ZFPM1: variants seen among roughly 807,000 people sequenced by gnomAD.
ZFPM1 encodes zinc finger protein ZFPM1.
ZFPM1 carries 28 observed loss-of-function variants against 46.3 expected under a neutral mutation model. The observed-to-expected ratio is 0.60, with a 90% CI of 0.45 to 0.83. ZFPM1 has a LOEUF of 0.83. Among genes scored for constraint, ZFPM1 ranks in the 40% least tolerant of loss-of-function variants. The probability of loss-of-function intolerance (pLI) is 0.00; values close to 1 mark genes in which losing one functional copy is unlikely to be tolerated. For missense variants in ZFPM1, 1,878 were observed against 1,432.4 expected, an observed-to-expected ratio of 1.31 and a Z score of -5.02; for synonymous variants, 957 against 675.9, an observed-to-expected ratio of 1.42 and a Z score of -6.45.
At chr16:88,507,684 G>A (rs1371224221) in intron 3 of ZFPM1, among the ~76,000 whole-genome samples, 3 of 152,204 alleles carry the variant, frequency 2.0e-5, no homozygotes, top group Admixed American at 2.0e-4. Flanking sequence ...TGTGGGCCTC[G>A]GGGAGAAGTG....
Position 88,511,803 on chromosome 16 carries a change from G to C in ZFPM1, c.269-2584G>C, listed in dbSNP as rs139769735. ...GTGAGCTGGGGCTAAGATCAGCCAT[G>C]CTCCCCTTACCAATCCAGGCACCTG... On this transcript the variant is annotated intron_variant, in intron 3 of 9. Coordinates refer to ENST00000319555, the MANE Select transcript of ZFPM1 (RefSeq NM_153813.3). Among the ~76,000 whole-genome samples the C allele has an allele frequency of 2.4e-3, 363 of 152,290 alleles. 2 individuals are homozygous for C. In the South Asian group the frequency reaches 0.036, roughly 15 times the overall value.
chr16:88,504,264 T>C lies in ZFPM1; in HGVS notation c.269-10123T>C, dbSNP rs556901900. Among the ~76,000 whole-genome samples the C allele has an allele frequency of 3.3e-5, 5 of 152,184 alleles. 1 individual carries two copies. Among genetic ancestry groups the C allele is most frequent in the East Asian group, 3.9e-4 (2 of 5,164 alleles). On this transcript the variant is annotated intron_variant, in intron 3 of 9. Coordinates refer to ENST00000319555, the MANE Select transcript of ZFPM1 (RefSeq NM_153813.3). ...GGACACAGATAAGGTAAAGAAAATA[T>C]GTTCTGTGCAAACAGCTTATCTGAC...
At chr16:88,521,658 T>G (rs1236649876) in intron 4 of ZFPM1, among the ~76,000 whole-genome samples, 1 of 41,722 alleles carries the variant, frequency 2.4e-5, no homozygotes, top group Admixed American at 3.4e-4. Flanking sequence ...TTCCCTCCCC[T>G]GTGCTGTTCC....
chr16:88,520,925 G>A (rs1369065844), intron 4 of ZFPM1, among the ~76,000 whole-genome samples: 2 of 128,070 alleles, frequency 1.6e-5, no homozygotes, highest in African/African-American at 3.1e-5. Context: ...GGATGATTCG[G>A]TGGGTGGGTG....
At chr16:88,454,014 G>C (rs1907420288) in intron 1 of ZFPM1, among the ~76,000 whole-genome samples, 1 of 152,208 alleles carries the variant, frequency 6.6e-6, no homozygotes, top group African/African-American at 2.4e-5. Flanking sequence ...GGGCGGCCCC[G>C]ATCTGGGCTC....
chr16:88,479,658 C>T lies in ZFPM1; in HGVS notation c.41-6281C>T, dbSNP rs559645789. On this transcript the variant is annotated intron_variant, in intron 1 of 9. Transcript: ENST00000319555. ...AGGGCCTTATCTGGCCGCTGTGTGC[C>T]GCCAGAGGCCAGGTTCTCCCTCCTG... Among the ~76,000 whole-genome samples, 940 of 152,116 alleles carry T rather than the reference C, an allele frequency of 6.2e-3. 3 individuals carry two copies. The highest frequency in any genetic ancestry group is 0.024 in the Middle Eastern group (7 of 294).
At chr16:88,459,229 A>G (rs1907693827) in intron 1 of ZFPM1, among the ~76,000 whole-genome samples, 1 of 152,084 alleles carries the variant, frequency 6.6e-6, no homozygotes, top group Admixed American at 6.5e-5. Context: ...TCAGGCCCAC[A>G]AGCTCTCTGA....
chr16:88,477,184 C>T (rs1908727939), intron 1 of ZFPM1, among the ~76,000 whole-genome samples: 1 of 152,220 alleles, frequency 6.6e-6, no homozygotes, highest in Non-Finnish European at 1.5e-5. Context: ...GGGCACAGTT[C>T]ACATGAGTGC....
chr16:88,532,247 C>T lies in ZFPM1; in HGVS notation c.946+12C>T, dbSNP rs1330477281. On this transcript the variant is annotated intron_variant, in intron 7 of 9. Coordinates refer to ENST00000319555, the MANE Select transcript of ZFPM1 (RefSeq NM_153813.3). ...GCGCAGCCACAGCGGTGAGCCCCCACCCCGGACGCGGGTCCTCAGGATGCC... is the reference window on the plus strand; with the variant it reads ...GCGCAGCCACAGCGGTGAGCCCCCATCCCGGACGCGGGTCCTCAGGATGCC... The T allele has an allele frequency of 3.8e-6, 6 of 1,581,772 alleles. No individual in the cohort carries two copies. Among genetic ancestry groups the T allele is most frequent in the Non-Finnish European group, 5.2e-6 (6 of 1,160,848 alleles).
intron 1 of ZFPM1, among the ~76,000 whole-genome samples, chr16:88,475,044 C>T (rs1908611134): frequency 6.6e-6 from 1 of 152,272 alleles, no homozygotes; most frequent in Admixed American, 6.5e-5. Flanking sequence ...TGCTCTCTGC[C>T]TCAGTTTCCC....
At chr16:88,456,037 G>A (rs1907544631) in intron 1 of ZFPM1, among the ~76,000 whole-genome samples, 1 of 152,260 alleles carries the variant, frequency 6.6e-6, no homozygotes, top group Non-Finnish European at 1.5e-5. Flanking sequence ...ACAGCGCGGG[G>A]GCGCCGCGAC....
chr16:88,515,580 T>A (rs1173084094), intron 4 of ZFPM1, among the ~76,000 whole-genome samples: 2 of 152,224 alleles, frequency 1.3e-5, no homozygotes, highest in Non-Finnish European at 2.9e-5. Flanking sequence ...CCAGGGCAGC[T>A]GGGCGGGTCA....
At position 88,526,488 on chromosome 16, in the gene ZFPM1, G is replaced by T. The variant is rs1223937220; in HGVS notation, c.403-326G>T. ...AGACCCGGGTGTGAGTTCAGGCTCT[G>T]CTGCTCCCTGGCTGTGTGACCTGGA... On this transcript the variant is annotated intron_variant, in intron 4 of 9. Coordinates refer to ENST00000319555, the MANE Select transcript of ZFPM1 (RefSeq NM_153813.3). Among the ~76,000 whole-genome samples, 5 of 152,142 alleles carry T rather than the reference G, an allele frequency of 3.3e-5. No individual in the cohort carries two copies. In the East Asian group the frequency reaches 9.6e-4, roughly 29 times the overall value.
At chr16:88,502,105 T>A (rs1597256347) in intron 3 of ZFPM1, among the ~76,000 whole-genome samples, 1 of 148,708 alleles carries the variant, frequency 6.7e-6, no homozygotes, top group Non-Finnish European at 1.5e-5. Flanking sequence ...TTTATTTATT[T>A]ATTTATCTCT....
At chr16:88,452,380 C>T (rs1309298782), upstream of ZFPM1, among the ~76,000 whole-genome samples, 3 of 152,202 alleles carry the variant, frequency 2.0e-5, no homozygotes, top group Non-Finnish European at 4.4e-5. Context: ...GGCCCGGGCG[C>T]TGTGGGCAAC....
rs571533924 is a variant in ZFPM1, at chr16:88,534,454, C to T, written c.2496C>T (p.Tyr832=). 60 of 1,497,398 alleles carry T rather than the reference C, an allele frequency of 4.0e-5. 1 individual carries two copies. The South Asian group carries it at 6.8e-4, about 17-fold the overall frequency. 92.8% of individuals were successfully genotyped at this position (1,497,398 alleles called of 1,614,324 possible). Reference sequence around the variant, plus strand: ...TGAGCTTCCACAGCCTCGAGGCCTACCTGGCGCACAAGAAGTACTCGTGCC... The same window carrying T: ...TGAGCTTCCACAGCCTCGAGGCCTATCTGGCGCACAAGAAGTACTCGTGCC... ...CRVSFHSLEA[Y]LAHKKYSCPA... Residue 832 remains tyrosine, a synonymous_variant, in exon 10 of 10, where the codon TAC becomes TAT. Transcript: ENST00000319555.
chr16:88,534,488 C>A lies in ZFPM1; in HGVS notation c.2530C>A (p.Pro844Thr), dbSNP rs766296523. 4 of 1,475,148 alleles carry A rather than the reference C, an allele frequency of 2.7e-6. No individual in the cohort carries two copies. In the Admixed American group the frequency reaches 9.1e-5, roughly 34 times the overall value. The allele number at this position is 1,475,148 out of a possible 1,614,324, so 91.4% of individuals were successfully genotyped here. Residue 844 changes from proline to threonine, a missense_variant, in exon 10 of 10, where the codon CCA becomes ACA. Coordinates refer to ENST00000319555, the MANE Select transcript of ZFPM1 (RefSeq NM_153813.3). ...AHKKYSCPAAPPPGALGLPAA... is the reference protein window; with the variant it reads ...AHKKYSCPAATPPGALGLPAA... Reference sequence around the variant, plus strand: ...CAAGAAGTACTCGTGCCCCGCTGCGCCACCGCCCGGCGCGCTCGGCCTGCC... The same window carrying A: ...CAAGAAGTACTCGTGCCCCGCTGCGACACCGCCCGGCGCGCTCGGCCTGCC...
At chr16:88,463,777 A>G (rs1194388327) in intron 1 of ZFPM1, among the ~76,000 whole-genome samples, 1 of 152,206 alleles carries the variant, frequency 6.6e-6, no homozygotes, top group Non-Finnish European at 1.5e-5. Context: ...GCCCGTCTTC[A>G]GGCTGAGGAA....
intron 1 of ZFPM1, among the ~76,000 whole-genome samples, chr16:88,463,955 G>A (rs994994749): frequency 6.6e-5 from 10 of 152,238 alleles, no homozygotes; most frequent in South Asian, 2.1e-4. Context: ...CCTGGCACAC[G>A]TAGGGCAGGG....
Sources: gnomAD v4.1 joint callset for allele counts (sites outside exome capture counted in the v4.1 genomes callset) on GRCh38, gnomAD v4.1.1 for gene constraint, MANE v1.5 for transcripts, NCBI Gene and HGNC (gene_info 2026-07-23, HGNC 2026-07-21) for gene names.